Variants in LDAH observed in about 807,000 individuals in gnomAD.
LDAH encodes lipid droplet-associated hydrolase.
A neutral mutation model predicts 29.6 loss-of-function variants in LDAH; 26 were observed. That is an observed-to-expected ratio of 0.88 (90% CI 0.64 to 1.22). The LOEUF (loss-of-function observed/expected upper bound fraction) is 1.22. LDAH is among the 50% of genes most tolerant of loss of function. The pLI is 0.00. For synonymous variants in LDAH, 117 were observed against 133.0 expected (o/e 0.88, Z 0.83); for missense variants, 344 against 387.3 (o/e 0.89, Z 0.94).
At chr2:20,785,007 C>T (rs1351464131) in intron 3 of LDAH, among the ~76,000 whole-genome samples, 2 of 152,220 alleles carry the variant, frequency 1.3e-5, no homozygotes, top group Non-Finnish European at 1.5e-5. Flanking sequence ...TCCTTTATAA[C>T]ATGATTGACA....
At chr2:20,752,319 C>A (rs924179606) in intron 4 of LDAH, among the ~76,000 whole-genome samples, 2 of 152,082 alleles carry the variant, frequency 1.3e-5, no homozygotes, top group Non-Finnish European at 2.9e-5. Flanking sequence ...AGACACCCAA[C>A]CCAGGAAAAC....
chr2:20,816,601 A>G (rs1296681244), intron 1 of LDAH, among the ~76,000 whole-genome samples: 2 of 152,110 alleles, frequency 1.3e-5, no homozygotes, highest in Non-Finnish European at 2.9e-5. Flanking sequence ...TGAAGCCAAA[A>G]CCAACAGAGC....
chr2:20,738,253 A>AAATAACAATAATAAT (rs1326893906), intron 5 of LDAH, among the ~76,000 whole-genome samples: 3 of 141,806 alleles, frequency 2.1e-5, no homozygotes, highest in African/African-American at 8.3e-5. Context: ...TTCCATCTCA[A>AAATAACAATAATAAT]AATAATAATA....
At chr2:20,727,410 CATTTAAT>C (rs1291086330) in intron 5 of LDAH, among the ~76,000 whole-genome samples, 1 of 152,058 alleles carries the variant, frequency 6.6e-6, no homozygotes, top group African/African-American at 2.4e-5. Context: ...GTTGTCATCT[CATTTAAT>C]AGTTCATTTT....
chr2:20,701,117 A>C (rs961261279), intron 6 of LDAH, among the ~76,000 whole-genome samples: 2 of 152,206 alleles, frequency 1.3e-5, no homozygotes, highest in South Asian at 2.1e-4. Flanking sequence ...CAAATGTTGA[A>C]TATTTCACAA....
intron 6 of LDAH, among the ~76,000 whole-genome samples, chr2:20,689,919 A>C (rs1662869028): frequency 6.6e-6 from 1 of 152,240 alleles, no homozygotes; most frequent in Non-Finnish European, 1.5e-5. Context: ...TGATAATGGC[A>C]GTCAGCTCAA....
intron 4 of LDAH, among the ~76,000 whole-genome samples, chr2:20,773,695 G>A (rs781507248): frequency 6.6e-6 from 1 of 152,070 alleles, no homozygotes; most frequent in Non-Finnish European, 1.5e-5. Context: ...CCACAGCGAG[G>A]GAGGCTATAG....
Position 20,801,404 on chromosome 2 carries a change from TC to T in LDAH, c.59del (p.Gly20GlufsTer7). ...PVHEEFILCG[G>X]AETQVLKCGP... is the part of the protein sequence containing the mutation. ...CACATTTTAGAACCTGGGTTTCGGC[TC>T]CACCACACAAAATGAATTCCTCATG... On this transcript the variant is annotated frameshift_variant, in exon 2 of 7. Transcript: ENST00000237822. LOFTEE classifies it high-confidence loss of function. 1 of 1,614,142 alleles carries T rather than the reference TC, an allele frequency of 6.2e-7. No individual in the cohort carries two copies. Among genetic ancestry groups the T allele is most frequent in the South Asian group, 1.1e-5 (1 of 91,086 alleles).
chr2:20,802,805 T>C (rs1401148227), intron 1 of LDAH, among the ~76,000 whole-genome samples: 2 of 152,252 alleles, frequency 1.3e-5, no homozygotes, highest in Non-Finnish European at 2.9e-5. Context: ...ATCAGTTTAT[T>C]ACCTCTCTAC....
At chr2:20,714,934 G>A (rs913474397) in intron 5 of LDAH, among the ~76,000 whole-genome samples, 9 of 152,136 alleles carry the variant, frequency 5.9e-5, no homozygotes, top group Non-Finnish European at 8.8e-5. Context: ...CAGATTCATA[G>A]CCGAATTCTA....
intron 6 of LDAH, among the ~76,000 whole-genome samples, chr2:20,697,041 C>T (rs1360196563): frequency 2.0e-5 from 3 of 152,324 alleles, no homozygotes; most frequent in East Asian, 1.9e-4. Flanking sequence ...AGCCTCATCA[C>T]TCCCCAACCA....
At chr2:20,815,505 C>T (rs1672789177) in intron 1 of LDAH, among the ~76,000 whole-genome samples, 1 of 151,510 alleles carries the variant, frequency 6.6e-6, no homozygotes, top group Non-Finnish European at 1.5e-5. Context: ...AAATTAAAAA[C>T]AAAGAAAAAA....
In LDAH at chr2:20,789,130, T is replaced by C. The variant is rs1455626817; in HGVS notation, c.298+1125A>G. 4.5e-6 allele frequency: 7 copies of C among 1,550,340 alleles called. No homozygotes were observed. The South Asian group carries it at 8.3e-5, about 18-fold the overall frequency. The stretch of plus-strand genomic sequence containing the variant: ...ACCTCCATGCCCTAAATCCAAATTT[T>C]ATTCAATTGTGAAAACCAGCTGTAA... On this transcript the variant is annotated intron_variant, in intron 3 of 6. Coordinates refer to ENST00000237822, the MANE Select transcript of LDAH (RefSeq NM_021925.4).
chr2:20,734,575 TCCC>T (rs746397382), intron 5 of LDAH, among the ~76,000 whole-genome samples: 23 of 152,256 alleles, frequency 1.5e-4, no homozygotes, highest in Middle Eastern at 3.4e-3. Context: ...CCCTGTACCC[TCCC>T]CCATTTATAA....
intron 4 of LDAH, among the ~76,000 whole-genome samples, chr2:20,754,074 T>C (rs1280569416): frequency 6.6e-6 from 1 of 152,186 alleles, no homozygotes; most frequent in Non-Finnish European, 1.5e-5. Flanking sequence ...TGGTAAAGAT[T>C]GGATCAGGCA....
chr2:20,711,752 C>T (rs144742941), intron 5 of LDAH, among the ~76,000 whole-genome samples: 2,684 of 152,358 alleles, frequency 0.018, 29 homozygotes, highest in Non-Finnish European at 0.026. Context: ...CCTGGCTCAG[C>T]GGGTCCCACG....
At chr2:20,696,218 T>A (rs190782389) in intron 6 of LDAH, among the ~76,000 whole-genome samples, 1 of 152,290 alleles carries the variant, frequency 6.6e-6, no homozygotes, top group Admixed American at 6.5e-5. Flanking sequence ...GCAGGACATG[T>A]GCATGTCAGA....
chr2:20,725,228 G>A (rs1665930830), intron 5 of LDAH, among the ~76,000 whole-genome samples: 1 of 152,078 alleles, frequency 6.6e-6, no homozygotes, highest in Admixed American at 6.5e-5. Context: ...GATGGGGGGT[G>A]GCTGAGGAGA....
chr2:20,800,758 C>A (rs561342727), intron 2 of LDAH, among the ~76,000 whole-genome samples: 2 of 152,036 alleles, frequency 1.3e-5, no homozygotes, highest in African/African-American at 4.8e-5. Context: ...CTCAGCCTCC[C>A]GAGTAGCTGG....
Sources: gnomAD v4.1 joint callset for allele counts (sites outside exome capture counted in the v4.1 genomes callset) on GRCh38, gnomAD v4.1.1 for gene constraint, MANE v1.5 for transcripts, NCBI Gene and HGNC (gene_info 2026-07-23, HGNC 2026-07-21) for gene names.